FSTL4: variants seen among roughly 807,000 people sequenced by gnomAD.
The protein encoded by FSTL4 is follistatin-related protein 4.
Under a neutral mutation model 78.2 loss-of-function variants are expected in FSTL4, and 28 were observed. That is an observed-to-expected ratio of 0.36 (90% CI 0.27 to 0.49). FSTL4 has a LOEUF of 0.49. FSTL4 is among the 20% of genes least tolerant of loss of function. The probability of loss-of-function intolerance (pLI) is 0.98; values close to 1 mark genes in which losing one functional copy is unlikely to be tolerated. For synonymous variants in FSTL4, 422 were observed against 440.5 expected, an observed-to-expected ratio of 0.96 and a Z score of 0.53; for missense variants, 922 against 1,084.9, an observed-to-expected ratio of 0.85 and a Z score of 2.11.
chr5:133,578,639 T>A (rs1760335912), intron 2 of FSTL4, among the ~76,000 whole-genome samples: 1 of 152,218 alleles, frequency 6.6e-6, no homozygotes, highest in African/African-American at 2.4e-5. Context: ...ATATGAGGAT[T>A]TAGTGATTTT....
intron 7 of FSTL4, chr5:133,244,034 G>A (rs999219324): frequency 6.6e-6 from 1 of 152,358 alleles, no homozygotes; most frequent in Non-Finnish European, 1.5e-5. Flanking sequence ...TGCATGTTCT[G>A]TTTCTGCAGA....
intron 13 of FSTL4, chr5:133,211,040 C>A (rs1750695187): frequency 6.6e-6 from 1 of 152,198 alleles, no homozygotes; most frequent in Non-Finnish European, 1.5e-5. Flanking sequence ...TGAGATCATC[C>A]ATTATCACCC....
At chr5:133,741,609 C>G in the FSTL4 span, among the ~76,000 whole-genome samples, 1 of 152,186 alleles carries the variant, frequency 6.6e-6, no homozygotes, top group Non-Finnish European at 1.5e-5. Context: ...CTACATCACA[C>G]AATGAACAGC....
chr5:133,216,758 T>C (rs1221959480), intron 13 of FSTL4, among the ~76,000 whole-genome samples: 1 of 152,230 alleles, frequency 6.6e-6, no homozygotes, highest in South Asian at 2.1e-4. Flanking sequence ...TGTCCTCACT[T>C]TGGGCTTTGT....
chr5:133,403,248 A>G (rs1045962147), intron 3 of FSTL4, among the ~76,000 whole-genome samples: 2 of 152,242 alleles, frequency 1.3e-5, no homozygotes, highest in Non-Finnish European at 2.9e-5. Context: ...TGAAGAAACA[A>G]GAGGCAAAGT....
chr5:133,812,852 C>T, the FSTL4 span, among the ~76,000 whole-genome samples: 4 of 152,366 alleles, frequency 2.6e-5, no homozygotes, highest in Middle Eastern at 0.01. Flanking sequence ...ATGCTTAGTA[C>T]ATTCATGATT....
At chr5:133,424,105 G>A (rs1756756957) in intron 3 of FSTL4, among the ~76,000 whole-genome samples, 1 of 152,350 alleles carries the variant, frequency 6.6e-6, no homozygotes, top group African/African-American at 2.4e-5. Flanking sequence ...TCTGACGCCA[G>A]CAGAAGAAGT....
chr5:133,241,193 T>A (rs761810602), intron 7 of FSTL4, among the ~76,000 whole-genome samples: 14 of 152,260 alleles, frequency 9.2e-5, no homozygotes, highest in Non-Finnish European at 1.6e-4. Flanking sequence ...TGGCTGACTT[T>A]AATCTGTACT....
intron 3 of FSTL4, among the ~76,000 whole-genome samples, chr5:133,415,111 A>G (rs2126982711): frequency 6.6e-6 from 1 of 152,350 alleles, no homozygotes; most frequent in Non-Finnish European, 1.5e-5. Context: ...GCCACTTCTG[A>G]TAGAAGAAAT....
chr5:133,639,527 G>A, the FSTL4 span, among the ~76,000 whole-genome samples: 1 of 152,192 alleles, frequency 6.6e-6, no homozygotes, highest in African/African-American at 2.4e-5. Flanking sequence ...CCCTTGCCCT[G>A]TCCTCAGAGC....
At chr5:133,656,315 C>A in the FSTL4 span, among the ~76,000 whole-genome samples, 1 of 152,048 alleles carries the variant, frequency 6.6e-6, no homozygotes, top group South Asian at 2.1e-4. Flanking sequence ...CCTTCCCACC[C>A]AAAGGGTTGA....
At chr5:133,424,935 C>T (rs1333974995) in intron 3 of FSTL4, among the ~76,000 whole-genome samples, 1 of 152,186 alleles carries the variant, frequency 6.6e-6, no homozygotes, top group Non-Finnish European at 1.5e-5. Context: ...CCTTTCCTCC[C>T]TTCCCATCAA....
chr5:133,694,576 T>C, the FSTL4 span, among the ~76,000 whole-genome samples: 2 of 152,232 alleles, frequency 1.3e-5, no homozygotes, highest in Non-Finnish European at 2.9e-5. Flanking sequence ...CATACACACA[T>C]AAGCATGAGC....
At chr5:133,220,369 C>T (rs1484316153) in intron 12 of FSTL4, among the ~76,000 whole-genome samples, 1 of 152,264 alleles carries the variant, frequency 6.6e-6, no homozygotes, top group Non-Finnish European at 1.5e-5. Context: ...GCTCCTGCCT[C>T]TGCCCACTGA....
chr5:133,206,002 TAAAAAC>T (rs1750489783), intron 14 of FSTL4, among the ~76,000 whole-genome samples: 1 of 152,214 alleles, frequency 6.6e-6, no homozygotes, highest in African/African-American at 2.4e-5. Context: ...ATGTTAGAAT[TAAAAAC>T]AGAATTCTGC....
intron 11 of FSTL4, among the ~76,000 whole-genome samples, chr5:133,221,269 CT>C (rs1029811017): frequency 5.3e-5 from 8 of 152,126 alleles, no homozygotes; most frequent in African/African-American, 1.9e-4. Context: ...CTTTCATTTG[CT>C]TTTTTAAACC....
the FSTL4 span, among the ~76,000 whole-genome samples, chr5:133,764,511 C>G: frequency 2.0e-5 from 3 of 152,216 alleles, no homozygotes; most frequent in Non-Finnish European, 4.4e-5. Flanking sequence ...ATTAGCTCCC[C>G]CAATTCCTTG....
intron 3 of FSTL4, among the ~76,000 whole-genome samples, chr5:133,432,488 G>T (rs545248618): frequency 1.3e-5 from 2 of 152,204 alleles, no homozygotes; most frequent in African/African-American, 2.4e-5. Flanking sequence ...CTACCTTGTG[G>T]GGGTGGTGTG....
At chr5:133,487,022 C>T (rs915475489) in intron 3 of FSTL4, among the ~76,000 whole-genome samples, 1 of 152,138 alleles carries the variant, frequency 6.6e-6, no homozygotes, top group Non-Finnish European at 1.5e-5. Flanking sequence ...CACAGCTTTG[C>T]CATGGAGTGC....
Sources: gnomAD v4.1 joint callset for allele counts (sites outside exome capture counted in the v4.1 genomes callset) on GRCh38, gnomAD v4.1.1 for gene constraint, MANE v1.5 for transcripts, NCBI Gene and HGNC (gene_info 2026-07-23, HGNC 2026-07-21) for gene names.